The following ATP8B4 variants were observed in gnomAD, a reference collection of about 807,000 sequenced individuals.
ATP8B4 encodes the protein ATPase phospholipid transporting 8B4 (putative).
In ATP8B4, 133 loss-of-function variants were observed where a neutral mutation model predicts 145.6. The observed-to-expected ratio is 0.91, with a 90% confidence interval of 0.79 to 1.05. The LOEUF is 1.05. ATP8B4 is among the 50% of genes least tolerant of loss of function. The pLI is 0.00. For synonymous variants in ATP8B4, 507 were observed against 492.9 expected, an observed-to-expected ratio of 1.03 and a Z score of -0.38; for missense variants, 1,458 against 1,425.2, an observed-to-expected ratio of 1.02 and a Z score of -0.37.
intron 1 of ATP8B4, among the ~76,000 whole-genome samples, chr15:50,137,844 C>G (rs1285116931): frequency 6.6e-6 from 1 of 152,106 alleles, no homozygotes; most frequent in Admixed American, 6.5e-5. Flanking sequence ...TATTAAATTC[C>G]AGGACCCAGG....
chr15:50,015,499 T>C (rs1470439650), intron 6 of ATP8B4, among the ~76,000 whole-genome samples: 2 of 152,216 alleles, frequency 1.3e-5, no homozygotes, highest in Non-Finnish European at 2.9e-5. Context: ...TTGTTGCTTT[T>C]TATTTCCCAG....
At chr15:49,881,136 A>C (rs187157819) in intron 23 of ATP8B4, among the ~76,000 whole-genome samples, 148 of 150,054 alleles carry the variant, frequency 9.9e-4, no homozygotes, top group Middle Eastern at 6.8e-3. Context: ...AACAAACAAA[A>C]AAAAGCCTTG....
intron 2 of ATP8B4, among the ~76,000 whole-genome samples, chr15:50,082,047 G>T (rs2054590765): frequency 6.6e-6 from 1 of 152,120 alleles, no homozygotes; most frequent in Non-Finnish European, 1.5e-5. Context: ...TTTGGGGTTG[G>T]GTCAGAAATC....
At chr15:49,865,204 G>T (rs1351323669) in intron 26 of ATP8B4, among the ~76,000 whole-genome samples, 1 of 152,152 alleles carries the variant, frequency 6.6e-6, no homozygotes, top group Admixed American at 6.5e-5. Flanking sequence ...TATAAAAAAT[G>T]CCTCCATAAC....
intron 1 of ATP8B4, among the ~76,000 whole-genome samples, chr15:50,129,814 G>A (rs921575905): frequency 1.3e-5 from 2 of 152,006 alleles, no homozygotes; most frequent in African/African-American, 4.8e-5. Flanking sequence ...TGAGCATGGT[G>A]GCACGTGCCT....
At chr15:49,922,340 A>G (rs890832453) in intron 17 of ATP8B4, 1 of 415,204 alleles carries the variant, frequency 2.4e-6, no homozygotes. Flanking sequence ...TAACGGCAAT[A>G]AGTCAGACAC....
rs1276524305 is a variant in ATP8B4, at chr15:50,056,588, A to G, written c.88-9124T>C. Among the ~76,000 whole-genome samples, 3 of 152,220 alleles carry G rather than the reference A, an allele frequency of 2.0e-5. No homozygotes were observed. In the East Asian group the frequency reaches 5.8e-4, roughly 29 times the overall value. ...GGGGTGCTCGTTTCCTGGGTGCCCA[A>G]AAGAATCCTTTGGGCTATGAGAAAT... is the stretch of plus-strand genomic sequence containing the variant. On this transcript the variant is annotated intron_variant, in intron 3 of 27. Transcript: ENST00000284509.
rs2047461831 is a variant in ATP8B4 at position 49,996,761 on chromosome 15, T to C, written c.507-2A>G. ...TGGCGGACTTTTAGGTTCGTTTCCC[T>C]GTGAAATTATTGACATGACATGAAT... On this transcript the variant is annotated splice_acceptor_variant, in intron 8 of 27. Transcript: ENST00000284509. LOFTEE classifies it high-confidence loss of function. 6.2e-7 allele frequency: 1 copy of C among 1,606,400 alleles called. No homozygotes were observed. The highest frequency in any genetic ancestry group is 1.3e-5 in the African/African-American group (1 of 74,798).
At chr15:50,047,215 A>G in intron 4 of ATP8B4, 136 bp downstream of exon 4, 1 of 613,380 alleles carries the variant, frequency 1.6e-6, no homozygotes. Context: ...AGAAACAGCA[A>G]CAACAAGATT....
chr15:50,059,237 T>C (rs1023979380), intron 3 of ATP8B4, among the ~76,000 whole-genome samples: 2 of 152,134 alleles, frequency 1.3e-5, no homozygotes, highest in Middle Eastern at 3.2e-3. Context: ...AAGAAGCCCA[T>C]GTGGATGCTG....
intron 8 of ATP8B4, among the ~76,000 whole-genome samples, chr15:49,999,524 TA>T (rs2047713620): frequency 6.6e-6 from 1 of 152,012 alleles, no homozygotes; most frequent in Non-Finnish European, 1.5e-5. Context: ...CCCTAAAACT[TA>T]AAGTATAATA....
Position 50,043,461 on chromosome 15 carries a change from C to T in ATP8B4, c.300+1133G>A, listed in dbSNP as rs1399453128. Among the ~76,000 whole-genome samples, 3 of 152,196 alleles carry T rather than the reference C, an allele frequency of 2.0e-5. No individual in the cohort carries two copies. The East Asian group carries it at 5.8e-4, about 29-fold the overall frequency. ...GAGTGTGCTTGCTCTCCTGCTTCCC[C>T]TTCCTCTGCTTCTGCAACCCCTGAG... On this transcript the variant is annotated intron_variant, in intron 5 of 27. Transcript: ENST00000284509.
At chr15:50,025,168 G>A (rs2049910984) in intron 6 of ATP8B4, among the ~76,000 whole-genome samples, 1 of 152,164 alleles carries the variant, frequency 6.6e-6, no homozygotes, top group East Asian at 1.9e-4. Context: ...GCAGTAATAG[G>A]AACAGACAGA....
intron 24 of ATP8B4, 153 bp from the exon 25 acceptor site, chr15:49,876,676 C>T (rs904191949): frequency 9.5e-7 from 1 of 1,055,792 alleles, no homozygotes. Flanking sequence ...TGTTTGTATT[C>T]CCACAATAAA....
chr15:50,019,528 CTG>C (rs1223608895), intron 6 of ATP8B4, among the ~76,000 whole-genome samples: 2 of 152,132 alleles, frequency 1.3e-5, no homozygotes, highest in South Asian at 2.1e-4. Flanking sequence ...ATTTAAAATA[CTG>C]TGACTATTTT....
At chr15:50,178,470 T>A (rs2044796518) in intron 1 of ATP8B4, among the ~76,000 whole-genome samples, 1 of 152,226 alleles carries the variant, frequency 6.6e-6, no homozygotes, top group Admixed American at 6.5e-5. Context: ...GTTTTCTACA[T>A]TCAAAAATAT....
intron 1 of ATP8B4, among the ~76,000 whole-genome samples, chr15:50,115,273 C>T (rs536298022): frequency 5.4e-4 from 82 of 152,176 alleles, no homozygotes; most frequent in Admixed American, 1.3e-3. Context: ...AAGCTCAAGG[C>T]TGCAGTGAGC....
At chr15:50,172,416 T>C (rs560508780) in intron 1 of ATP8B4, among the ~76,000 whole-genome samples, 19 of 152,364 alleles carry the variant, frequency 1.2e-4, no homozygotes, top group African/African-American at 4.6e-4. Flanking sequence ...GGTGCCGGGA[T>C]TGCAGACGGA....
intron 6 of ATP8B4, among the ~76,000 whole-genome samples, chr15:50,026,652 G>C (rs1348022202): frequency 1.3e-5 from 2 of 152,208 alleles, no homozygotes; most frequent in Non-Finnish European, 2.9e-5. Flanking sequence ...CAATATCTTT[G>C]TTTCATAGAT....
Sources: gnomAD v4.1 joint callset for allele counts (sites outside exome capture counted in the v4.1 genomes callset) on GRCh38, gnomAD v4.1.1 for gene constraint, MANE v1.5 for transcripts, NCBI Gene and HGNC (gene_info 2026-07-23, HGNC 2026-07-21) for gene names.